Variants in TXNDC9 observed in about 807,000 individuals in gnomAD.
The protein encoded by TXNDC9 is thioredoxin domain-containing protein 9.
In TXNDC9, 7 loss-of-function variants were observed where a neutral mutation model predicts 23.0. That is an observed-to-expected ratio of 0.30 (90% confidence interval 0.17 to 0.57). TXNDC9 has a LOEUF of 0.57. TXNDC9 is among the 20% of genes least tolerant of loss of function. TXNDC9 has a pLI of 0.90. For synonymous variants in TXNDC9, 72 were observed against 90.6 expected (o/e 0.79, Z 1.17); for missense variants, 198 against 252.6 (o/e 0.78, Z 1.47).
downstream of TXNDC9, among the ~76,000 whole-genome samples, chr2:99,316,192 T>G (rs1242474246): frequency 6.8e-6 from 1 of 148,022 alleles, no homozygotes; most frequent in East Asian, 2.0e-4. Flanking sequence ...AAAAACAAAA[T>G]AGAGACAAGG....
downstream of TXNDC9, among the ~76,000 whole-genome samples, chr2:99,316,850 G>A (rs567402794): frequency 1.2e-4 from 19 of 152,174 alleles, no homozygotes; most frequent in African/African-American, 3.6e-4. Context: ...TCCGCCTCCC[G>A]GGTTCACGCC....
chr2:99,329,953 C>A (rs1317577351), intron 2 of TXNDC9, among the ~76,000 whole-genome samples: 2 of 148,476 alleles, frequency 1.3e-5, no homozygotes, highest in Non-Finnish European at 3.0e-5. Flanking sequence ...GGTGACAGAG[C>A]AAGACCCTGT....
the TXNDC9 span, among the ~76,000 whole-genome samples, chr2:99,310,517 T>C: frequency 4.6e-5 from 7 of 152,160 alleles, no homozygotes; most frequent in Non-Finnish European, 7.4e-5. Context: ...GAATCACTAA[T>C]GTGATTCCAG....
chr2:99,310,994 C>A, the TXNDC9 span, among the ~76,000 whole-genome samples: 4 of 151,980 alleles, frequency 2.6e-5, no homozygotes, highest in Non-Finnish European at 4.4e-5. Context: ...TTTCCCTTTA[C>A]TTAAGAGATT....
chr2:99,312,571 A>T, the TXNDC9 span, among the ~76,000 whole-genome samples: 2 of 152,038 alleles, frequency 1.3e-5, no homozygotes, highest in African/African-American at 4.8e-5. Flanking sequence ...CATTAATTAG[A>T]GAGGTGGCAC....
At chr2:99,324,219 T>C (rs963437377) in intron 3 of TXNDC9, among the ~76,000 whole-genome samples, 9 of 152,196 alleles carry the variant, frequency 5.9e-5, no homozygotes, top group Non-Finnish European at 1.3e-4. Flanking sequence ...ACAGCTGTTC[T>C]TATGCTCAAA....
the TXNDC9 span, among the ~76,000 whole-genome samples, chr2:99,307,003 T>TTCCC: frequency 0.33 from 35,739 of 106,858 alleles, 4,542 homozygotes; most frequent in Admixed American, 0.46. Context: ...CCAAGTTCAA[T>TTCCC]TCCCTCCCTC....
chr2:99,334,966 G>A (rs998556981), intron 1 of TXNDC9, among the ~76,000 whole-genome samples: 4 of 152,146 alleles, frequency 2.6e-5, no homozygotes, highest in African/African-American at 9.7e-5. Context: ...CGCCCGCCTC[G>A]GCCTCCCAAA....
At chr2:99,311,897 C>G in the TXNDC9 span, among the ~76,000 whole-genome samples, 1 of 152,154 alleles carries the variant, frequency 6.6e-6, no homozygotes, top group Non-Finnish European at 1.5e-5. Flanking sequence ...AATTATTTGT[C>G]AGTTGGTTTA....
At chr2:99,306,390 T>C in the TXNDC9 span, among the ~76,000 whole-genome samples, 1 of 151,188 alleles carries the variant, frequency 6.6e-6, no homozygotes, top group South Asian at 2.1e-4. Context: ...TAGCACAAGT[T>C]TCTGAGACAC....
intron 2 of TXNDC9, among the ~76,000 whole-genome samples, chr2:99,329,582 TAC>T (rs2094220224): frequency 6.6e-6 from 1 of 152,258 alleles, no homozygotes. Flanking sequence ...GTGAAATTTC[TAC>T]ACACAGTTTA....
In TXNDC9 at chr2:99,327,553, T is replaced by G; in HGVS notation, c.290A>C (p.Tyr97Ser). The change falls in exon 3 of 5, where the codon TAC (tyrosine) becomes TCC (serine). Residue 97 changes from tyrosine (Y) to serine (S), a missense_variant. Tyr to Ser is a moderately radical substitution (Grantham distance 144, BLOSUM62 -2). Transcript: ENST00000264255. Reference sequence around the variant, plus strand: ...AAGTTACCTGAATGTGGAGTCTCTGTAGAAATGGCAAACCACATTTTCACT... The same window carrying G: ...AAGTTACCTGAATGTGGAGTCTCTGGAGAAATGGCAAACCACATTTTCACT... Reference protein sequence around the residue: ...KESENVVCHFYRDSTFRCKIL... With the variant: ...KESENVVCHFSRDSTFRCKIL... 1 of 1,612,548 alleles carries G rather than the reference T, an allele frequency of 6.2e-7. No individual in the cohort carries two copies. Among genetic ancestry groups the G allele is most frequent in the Non-Finnish European group, 8.5e-7 (1 of 1,179,148 alleles).
At chr2:99,317,178 T>C (rs904727250), downstream of TXNDC9, among the ~76,000 whole-genome samples, 3 of 152,244 alleles carry the variant, frequency 2.0e-5, no homozygotes, top group Non-Finnish European at 4.4e-5. Context: ...ATAATAATGC[T>C]TTGAAGTTTT....
At position 99,333,009 on chromosome 2, in the gene TXNDC9, G is replaced by A; in HGVS notation, c.189+13C>T. Reference sequence around the variant, plus strand: ...TGTTATAGCAATTTCAGAAAGCAGGGCAGAGAGGTTACTTGTTTCTGCTGT... The same window carrying A: ...TGTTATAGCAATTTCAGAAAGCAGGACAGAGAGGTTACTTGTTTCTGCTGT... On this transcript the variant is annotated intron_variant, in intron 2 of 4. Transcript: ENST00000264255. The A allele has an allele frequency of 6.2e-7, 1 of 1,605,364 alleles. No homozygotes were observed. Among genetic ancestry groups the A allele is most frequent in the Non-Finnish European group, 8.5e-7 (1 of 1,172,406 alleles).
At chr2:99,336,128 C>A (rs1363324303) in intron 1 of TXNDC9, 111 bp downstream of exon 1, 2 of 922,808 alleles carry the variant, frequency 2.2e-6, no homozygotes, top group Non-Finnish European at 2.6e-6. Flanking sequence ...GCCAGGACAC[C>A]GACACCGGTG....
chr2:99,321,039 C>T (rs1247669485), intron 4 of TXNDC9: 2 of 151,958 alleles, frequency 1.3e-5, no homozygotes, highest in East Asian at 3.9e-4. Flanking sequence ...AAGTGCCCCA[C>T]CCGGCTGCAA....
intron 3 of TXNDC9, 66 bp from the exon 4 acceptor site, chr2:99,322,275 T>A: frequency 1.3e-6 from 2 of 1,541,490 alleles, no homozygotes; most frequent in Non-Finnish European, 1.7e-6. Context: ...AAAATAAATA[T>A]CATCAAGGGA....
rs2094196191 is a variant in TXNDC9, at chr2:99,319,377, A to G, written c.*305T>C. 1.5e-5 allele frequency: 3 copies of G among 197,404 alleles called. No individual in the cohort carries two copies. The highest frequency in any genetic ancestry group is 3.0e-5 in the Non-Finnish European group (3 of 99,236). 12.2% of individuals were successfully genotyped at this position (197,404 alleles called of 1,614,324 possible). A position where few individuals can be genotyped will look rare whatever the true frequency, so the allele number is the denominator to read the frequency against. ...GTCCTGGAATAGTTTTCGAATTTCT[A>G]ACTCTGTAGATCTAAAACACAATTG... On this transcript the variant is annotated 3_prime_UTR_variant, in exon 5 of 5. Transcript: ENST00000264255.
At chr2:99,322,660 C>A (rs745699949) in intron 3 of TXNDC9, 153 of 1,538,742 alleles carry the variant, frequency 9.9e-5, no homozygotes, top group Non-Finnish European at 1.3e-4. Flanking sequence ...ATATGCAACG[C>A]TGTCAGTAAG....
Sources: allele counts gnomAD v4.1 joint callset (sites outside exome capture counted in the v4.1 genomes callset), GRCh38; gene constraint gnomAD v4.1.1; transcripts MANE v1.5; gene names NCBI Gene and HGNC (gene_info 2026-07-23, HGNC 2026-07-21).